Variants in XKR9 observed in about 807,000 individuals in gnomAD.
XKR9 encodes the protein XK-related protein 9.
A neutral mutation model predicts 32.0 loss-of-function variants in XKR9; 32 were observed. That is an observed-to-expected ratio of 1.00 (90% CI 0.76 to 1.34). The LOEUF (loss-of-function observed/expected upper bound fraction) is 1.34. XKR9 is among the 40% of genes most tolerant of loss of function. The pLI is 0.00. For synonymous variants in XKR9, 168 were observed against 143.4 expected, an observed-to-expected ratio of 1.17 and a Z score of -1.22; for missense variants, 546 against 429.7, an observed-to-expected ratio of 1.27 and a Z score of -2.39.
chr8:70,894,169 G>C, the XKR9 span, among the ~76,000 whole-genome samples: 10 of 151,846 alleles, frequency 6.6e-5, no homozygotes, highest in Non-Finnish European at 1.3e-4. Context: ...GGGTACCAGG[G>C]GATGAGTCAC....
chr8:71,042,449 AGC>A, the XKR9 span, among the ~76,000 whole-genome samples: 1 of 152,128 alleles, frequency 6.6e-6, no homozygotes, highest in Non-Finnish European at 1.5e-5. Flanking sequence ...GAATTACATA[AGC>A]TCTCTGTGCC....
rs528355477 is a variant in XKR9, at chr8:70,703,400, T to C, written c.273-3533T>C. On this transcript the variant is annotated intron_variant, in intron 3 of 4. Transcript: ENST00000408926. ...ACAACAAAAATTTATTTCTCAGTTC[T>C]GGTGGCTGGGAAATCCAAGAGCAAG... Among the ~76,000 whole-genome samples, 9 of 152,278 alleles carry C rather than the reference T, an allele frequency of 5.9e-5. No individual in the cohort carries two copies. In the South Asian group the frequency reaches 1.5e-3, roughly 25 times the overall value.
intron 3 of XKR9, among the ~76,000 whole-genome samples, chr8:70,685,899 A>G (rs1819259572): frequency 6.6e-6 from 1 of 151,622 alleles, no homozygotes; most frequent in Admixed American, 6.6e-5. Flanking sequence ...AAATAAAAAA[A>G]ATTATATTTA....
At chr8:70,718,826 T>C (rs1016451629) in intron 4 of XKR9, among the ~76,000 whole-genome samples, 1 of 152,192 alleles carries the variant, frequency 6.6e-6, no homozygotes, top group Non-Finnish European at 1.5e-5. Flanking sequence ...ATCGTTTGGG[T>C]ATATACCCAG....
chr8:70,771,273 C>A (rs1395736574), intron 2 of XKR9, among the ~76,000 whole-genome samples: 1 of 152,152 alleles, frequency 6.6e-6, no homozygotes, highest in Admixed American at 6.5e-5. Flanking sequence ...ATGAGATGAA[C>A]CTGGTACCTC....
the XKR9 span, among the ~76,000 whole-genome samples, chr8:70,948,224 G>A: frequency 2.0e-5 from 3 of 152,136 alleles, no homozygotes; most frequent in East Asian, 1.9e-4. Flanking sequence ...GGCATCATTC[G>A]TGCCAGTGAA....
At chr8:70,972,131 T>C in the XKR9 span, among the ~76,000 whole-genome samples, 2 of 152,192 alleles carry the variant, frequency 1.3e-5, no homozygotes, top group African/African-American at 4.8e-5. Context: ...CTATGATTTC[T>C]TTCAGTAGCA....
At chr8:71,004,181 G>A in the XKR9 span, among the ~76,000 whole-genome samples, 1 of 152,146 alleles carries the variant, frequency 6.6e-6, no homozygotes, top group Non-Finnish European at 1.5e-5. Flanking sequence ...TGGGAAAGAA[G>A]CTATAGAGGA....
the XKR9 span, among the ~76,000 whole-genome samples, chr8:70,832,705 G>A: frequency 6.6e-6 from 1 of 152,138 alleles, no homozygotes; most frequent in Non-Finnish European, 1.5e-5. Context: ...GCCAGTAAGG[G>A]ATACCTATTA....
At chr8:70,981,075 T>C in the XKR9 span, among the ~76,000 whole-genome samples, 1 of 152,320 alleles carries the variant, frequency 6.6e-6, no homozygotes, top group Admixed American at 6.5e-5. Context: ...TTAAGATTTT[T>C]TCCTTTGTCT....
Position 70,734,440 on chromosome 8 carries a change from T to C in XKR9, c.*16T>C, listed in dbSNP as rs375996539. 5.3e-6 allele frequency: 8 copies of C among 1,497,530 alleles called. No individual in the cohort carries two copies. Among genetic ancestry groups the C allele is most frequent in the East Asian group, 2.3e-5 (1 of 42,936 alleles). The allele number at this position is 1,497,530 out of a possible 1,614,324, so 92.8% of individuals were successfully genotyped here. A position where few individuals can be genotyped will look rare whatever the true frequency, so the allele number is the denominator to read the frequency against. On this transcript the variant is annotated 3_prime_UTR_variant, in exon 5 of 5. Coordinates refer to ENST00000408926, the MANE Select transcript of XKR9 (RefSeq NM_001011720.2). ...AATGGAATAAGCTATTCATTTATGA[T>C]ATATATTTTCTTATATTTTGTTTCA...
chr8:70,954,507 G>C, the XKR9 span, among the ~76,000 whole-genome samples: 11 of 152,322 alleles, frequency 7.2e-5, no homozygotes, highest in African/African-American at 2.2e-4. Context: ...AGGTGGATTT[G>C]CACAGAATTT....
chr8:70,819,822 CAG>C, the XKR9 span, among the ~76,000 whole-genome samples: 4 of 152,126 alleles, frequency 2.6e-5, no homozygotes, highest in African/African-American at 9.7e-5. Context: ...TGTTTGCAGA[CAG>C]AACAGGTGTG....
intron 2 of XKR9, among the ~76,000 whole-genome samples, chr8:70,750,646 T>C (rs951937703): frequency 2.0e-5 from 3 of 152,226 alleles, no homozygotes; most frequent in Non-Finnish European, 4.4e-5. Flanking sequence ...ATATAATTCA[T>C]ACAATTCAAC....
At chr8:70,776,622 G>T (rs1807523729) in intron 2 of XKR9, among the ~76,000 whole-genome samples, 1 of 151,974 alleles carries the variant, frequency 6.6e-6, no homozygotes. Flanking sequence ...GTGAGTGGCA[G>T]ACACTTGGCT....
At chr8:70,673,504 A>C (rs1160515294) in intron 1 of XKR9, among the ~76,000 whole-genome samples, 1 of 152,196 alleles carries the variant, frequency 6.6e-6, no homozygotes, top group Non-Finnish European at 1.5e-5. Context: ...ACCTATGGAC[A>C]GTTAGATATA....
the XKR9 span, among the ~76,000 whole-genome samples, chr8:70,820,717 G>A: frequency 2.0e-5 from 3 of 152,206 alleles, no homozygotes; most frequent in African/African-American, 7.2e-5. Flanking sequence ...GGAAGGAGAA[G>A]TGCCAAGAGT....
At chr8:70,774,949 G>T (rs1807499476) in intron 2 of XKR9, among the ~76,000 whole-genome samples, 1 of 151,960 alleles carries the variant, frequency 6.6e-6, no homozygotes, top group Non-Finnish European at 1.5e-5. Context: ...GGACTGTATT[G>T]AATCTTTGGA....
the XKR9 span, among the ~76,000 whole-genome samples, chr8:70,888,424 T>C: frequency 6.6e-6 from 1 of 152,094 alleles, no homozygotes; most frequent in African/African-American, 2.4e-5. Flanking sequence ...GTCTGTTGAT[T>C]GTTTTCTTTG....
Sources: allele counts gnomAD v4.1 joint callset (sites outside exome capture counted in the v4.1 genomes callset), GRCh38; gene constraint gnomAD v4.1.1; transcripts MANE v1.5; gene names NCBI Gene and HGNC (gene_info 2026-07-23, HGNC 2026-07-21).